SNX29: variants seen among roughly 807,000 people sequenced by gnomAD.
SNX29 encodes sorting nexin 29, also known as sorting nexin-29.
A neutral mutation model predicts 102.1 loss-of-function variants in SNX29; 78 were observed. That is an observed-to-expected ratio of 0.76 (90% confidence interval 0.64 to 0.92). The LOEUF is 0.92. Ranked by LOEUF, SNX29 falls within the 40% of genes least tolerant of loss-of-function variation. The pLI is 0.00. For missense variants in SNX29, 1,280 were observed against 1,061.7 expected, an observed-to-expected ratio of 1.21 and a Z score of -2.86; for synonymous variants, 580 against 414.5, an observed-to-expected ratio of 1.40 and a Z score of -4.85.
chr16:12,271,925 G>C (rs961934191), intron 14 of SNX29, among the ~76,000 whole-genome samples: 4 of 152,092 alleles, frequency 2.6e-5, no homozygotes, highest in African/African-American at 9.7e-5. Flanking sequence ...GCCCTGCCTG[G>C]GGTCCATCTT....
intron 3 of SNX29, among the ~76,000 whole-genome samples, chr16:12,015,348 C>A (rs137988484): frequency 8.3e-4 from 127 of 152,104 alleles, no homozygotes; most frequent in African/African-American, 3.0e-3. Flanking sequence ...TCAAGTGATT[C>A]TCCTGCCTCA....
chr16:12,540,551 C>G (rs1044841084), intron 20 of SNX29, among the ~76,000 whole-genome samples: 9 of 152,226 alleles, frequency 5.9e-5, no homozygotes, highest in African/African-American at 1.7e-4. Context: ...GGCAGCCACC[C>G]TATGCCATGG....
At chr16:12,539,311 C>A (rs932035476) in intron 20 of SNX29, among the ~76,000 whole-genome samples, 1 of 152,060 alleles carries the variant, frequency 6.6e-6, no homozygotes, top group Non-Finnish European at 1.5e-5. Flanking sequence ...TGTCCCTCCC[C>A]CTCTAGTTTT....
intron 14 of SNX29, among the ~76,000 whole-genome samples, chr16:12,260,348 C>A (rs2078697444): frequency 6.6e-6 from 1 of 152,124 alleles, no homozygotes; most frequent in Non-Finnish European, 1.5e-5. Context: ...TTTTGTTGTT[C>A]TTTTAACCTC....
intron 11 of SNX29, chr16:12,087,413 T>C (rs763033665): frequency 3.0e-4 from 54 of 179,834 alleles, no homozygotes; most frequent in Non-Finnish European, 5.3e-4. Context: ...TGAGACTCTA[T>C]CTCAAAATAA....
chr16:12,337,426 C>T (rs375058863), intron 15 of SNX29, among the ~76,000 whole-genome samples: 2 of 152,060 alleles, frequency 1.3e-5, no homozygotes, highest in East Asian at 1.9e-4. Context: ...ACCACAGCCT[C>T]GACCTCCTGG....
intron 14 of SNX29, among the ~76,000 whole-genome samples, chr16:12,255,142 G>A (rs2078532060): frequency 6.6e-6 from 1 of 151,876 alleles, no homozygotes; most frequent in African/African-American, 2.4e-5. Context: ...CTTTTTTTTG[G>A]TGTTGAGACC....
chr16:11,978,533 A>G (rs76470637), intron 1 of SNX29, among the ~76,000 whole-genome samples: 2,371 of 152,312 alleles, frequency 0.016, 38 homozygotes, highest in African/African-American at 0.053. Flanking sequence ...TCAGAATCTC[A>G]GAGCTGCCTG....
Position 12,048,276 on chromosome 16 carries a change from C to A in SNX29, c.500-96C>A. 3 of 1,571,966 alleles carry A rather than the reference C, an allele frequency of 1.9e-6. No individual in the cohort carries two copies. The South Asian group carries it at 3.4e-5, about 18-fold the overall frequency. ...ATACCTATTTAAGATCAACGTGCCT[C>A]CTCTTCTGTACTCTGTTGTCTGCAG... On this transcript the variant is annotated intron_variant, in intron 6 of 20. Transcript: ENST00000566228.
At chr16:12,562,862 T>C (rs2078807033) in intron 20 of SNX29, among the ~76,000 whole-genome samples, 1 of 152,098 alleles carries the variant, frequency 6.6e-6, no homozygotes, top group Admixed American at 6.5e-5. Flanking sequence ...CAGCTCCCGG[T>C]CTGTGCTTTG....
At chr16:12,055,908 A>C (rs1471378664) in intron 8 of SNX29, among the ~76,000 whole-genome samples, 2 of 152,002 alleles carry the variant, frequency 1.3e-5, no homozygotes, top group Non-Finnish European at 2.9e-5. Context: ...TCTGGAACAG[A>C]GTCTTACTCC....
chr16:12,011,280 A>AT (rs988446506), intron 3 of SNX29, among the ~76,000 whole-genome samples: 249 of 126,156 alleles, frequency 2.0e-3, no homozygotes, highest in Middle Eastern at 4.2e-3. Context: ...TTTATATCTG[A>AT]TTTTTTTTTT....
chr16:12,422,470 T>C (rs1163257238), intron 18 of SNX29, among the ~76,000 whole-genome samples: 1 of 152,202 alleles, frequency 6.6e-6, no homozygotes, highest in Middle Eastern at 3.2e-3. Context: ...GCAAGTAACT[T>C]CTTCCAAATC....
chr16:12,403,244 G>A (rs901990217), intron 17 of SNX29, among the ~76,000 whole-genome samples: 2 of 144,342 alleles, frequency 1.4e-5, no homozygotes, highest in African/African-American at 2.6e-5. Flanking sequence ...GTGTGTGTGT[G>A]TGTGTGTGTG....
chr16:12,330,328 A>T (rs1001290350), intron 15 of SNX29, among the ~76,000 whole-genome samples: 3 of 152,138 alleles, frequency 2.0e-5, no homozygotes, highest in Admixed American at 6.5e-5. Flanking sequence ...TTAGCCAAGC[A>T]TGGTGGCGGA....
chr16:12,541,237 C>G (rs1216432976), intron 20 of SNX29, among the ~76,000 whole-genome samples: 1 of 152,112 alleles, frequency 6.6e-6, no homozygotes, highest in Non-Finnish European at 1.5e-5. Context: ...GACTATGGAA[C>G]CATGTATCAT....
chr16:12,076,531 A>T (rs1033091226), intron 10 of SNX29, among the ~76,000 whole-genome samples: 7 of 151,906 alleles, frequency 4.6e-5, no homozygotes, highest in African/African-American at 1.7e-4. Context: ...CGACCTCCTG[A>T]CCTCATGTGA....
At chr16:12,107,355 T>TA (rs1420530042) in intron 11 of SNX29, among the ~76,000 whole-genome samples, 11 of 146,554 alleles carry the variant, frequency 7.5e-5, no homozygotes, top group Non-Finnish European at 1.7e-4. Flanking sequence ...TTTTTTTTTT[T>TA]TAAAACGTTT....
chr16:12,347,299 A>T (rs376689874), intron 15 of SNX29, among the ~76,000 whole-genome samples: 1 of 152,036 alleles, frequency 6.6e-6, no homozygotes, highest in East Asian at 1.9e-4. Context: ...ATGGTGCGGC[A>T]TTGAGGAGGA....
Sources: gnomAD v4.1 joint callset for allele counts (sites outside exome capture counted in the v4.1 genomes callset) on GRCh38, gnomAD v4.1.1 for gene constraint, MANE v1.5 for transcripts, NCBI Gene and HGNC (gene_info 2026-07-23, HGNC 2026-07-21) for gene names.